TRAM2: variants seen among roughly 807,000 people sequenced by gnomAD.
The protein encoded by TRAM2 is translocation associated membrane protein 2, also known as translocating chain-associated membrane protein 2.
TRAM2 carries 12 observed loss-of-function variants against 51.0 expected under a neutral mutation model. The observed-to-expected ratio is 0.24, with a 90% confidence interval of 0.15 to 0.38. TRAM2 has a LOEUF of 0.38. Ranked by LOEUF, TRAM2 falls within the 10% of genes least tolerant of loss-of-function variation. The pLI is 1.00. For missense variants in TRAM2, 361 were observed against 462.0 expected, an observed-to-expected ratio of 0.78 and a Z score of 2.00; for synonymous variants, 175 against 179.4, an observed-to-expected ratio of 0.98 and a Z score of 0.20.
At chr6:52,528,611 G>A (rs12211221) in intron 2 of TRAM2, among the ~76,000 whole-genome samples, 31,984 of 152,086 alleles carry the variant, frequency 0.21, 3,537 homozygotes, top group Non-Finnish European at 0.26. Flanking sequence ...AAGAGGCTGC[G>A]AGAACAATGG....
intron 1 of TRAM2, among the ~76,000 whole-genome samples, chr6:52,554,519 CA>C (rs55641649): frequency 0.11 from 11,716 of 108,852 alleles, 578 homozygotes; most frequent in East Asian, 0.26. Context: ...GACCCCATCT[CA>C]AAAAAAAAAA....
At chr6:52,537,534 C>T (rs919107902) in intron 1 of TRAM2, among the ~76,000 whole-genome samples, 1 of 152,172 alleles carries the variant, frequency 6.6e-6, no homozygotes, top group African/African-American at 2.4e-5. Context: ...TCATGACCCA[C>T]CTCAATTGTA....
chr6:52,509,469 G>C, intron 5 of TRAM2, 59 bp downstream of exon 5: 1 of 1,557,060 alleles, frequency 6.4e-7, no homozygotes. Context: ...ACTCCGCTGG[G>C]ACAGGAAGGC....
At chr6:52,533,465 C>G (rs1344467063) in intron 2 of TRAM2, among the ~76,000 whole-genome samples, 1 of 152,198 alleles carries the variant, frequency 6.6e-6, no homozygotes, top group African/African-American at 2.4e-5. Context: ...TTCCTGACCA[C>G]TGGTGCTGGC....
chr6:52,537,010 T>A (rs569127995), intron 1 of TRAM2, among the ~76,000 whole-genome samples: 5 of 152,312 alleles, frequency 3.3e-5, no homozygotes, highest in African/African-American at 9.6e-5. Flanking sequence ...TGCCCTGTGT[T>A]GCCCAGACAT....
At chr6:52,565,271 A>G (rs1256498359) in intron 1 of TRAM2, among the ~76,000 whole-genome samples, 1 of 152,200 alleles carries the variant, frequency 6.6e-6, no homozygotes, top group Non-Finnish European at 1.5e-5. Context: ...AACCATGGCC[A>G]TTTAGGTGAG....
chr6:52,542,255 T>C (rs1281143230), intron 1 of TRAM2, among the ~76,000 whole-genome samples: 1 of 125,640 alleles, frequency 8.0e-6, no homozygotes, highest in East Asian at 4.5e-4. Context: ...GGGGAAGAGA[T>C]TTTTGGGTTT....
At position 52,508,154 on chromosome 6, in the gene TRAM2, G is replaced by A. The variant is rs994885345; in HGVS notation, c.555+80C>T. 5.3e-6 allele frequency: 7 copies of A among 1,329,680 alleles called. No homozygotes were observed. In the African/African-American group the frequency reaches 8.7e-5, roughly 16 times the overall value. The allele number at this position is 1,329,680 out of a possible 1,614,324, so 82.4% of individuals were successfully genotyped here. The stretch of plus-strand genomic sequence containing the variant: ...AACACTCCATGCTTCTGGAGAAAAG[G>A]AAGGGAGGTACCCCTGGGAATAGCA... On this transcript the variant is annotated intron_variant, in intron 6 of 10. Coordinates refer to ENST00000182527, the MANE Select transcript of TRAM2 (RefSeq NM_012288.4).
In TRAM2 at chr6:52,535,570, A is replaced by T. The variant is rs551306055; in HGVS notation, c.184+213T>A. Among the ~76,000 whole-genome samples the T allele has an allele frequency of 2.6e-5, 4 of 152,278 alleles. No individual in the cohort carries two copies. In the East Asian group the frequency reaches 7.7e-4, roughly 29 times the overall value. Reference sequence around the variant, plus strand: ...GTGGCACACGCCTGTAATCCCAGCTACTTGTGAGGCTGAGGCAGGAGAACT... The same window carrying T: ...GTGGCACACGCCTGTAATCCCAGCTTCTTGTGAGGCTGAGGCAGGAGAACT... On this transcript the variant is annotated intron_variant, in intron 2 of 10. Transcript: ENST00000182527.
intron 1 of TRAM2, among the ~76,000 whole-genome samples, chr6:52,559,390 A>G (rs535878255): frequency 1.3e-5 from 2 of 152,306 alleles, no homozygotes; most frequent in South Asian, 2.1e-4. Context: ...AATAGAGTAA[A>G]GGACTCAGGC....
At chr6:52,505,200 C>G (rs1450791786) in intron 9 of TRAM2, among the ~76,000 whole-genome samples, 1 of 152,206 alleles carries the variant, frequency 6.6e-6, no homozygotes, top group Admixed American at 6.5e-5. Flanking sequence ...CTCTCCTGGG[C>G]CTAGGGGCTC....
At chr6:52,535,678 T>C (rs1766966744) in intron 2 of TRAM2, 105 bp downstream of exon 2, 1 of 999,888 alleles carries the variant, frequency 1.0e-6, no homozygotes, top group Admixed American at 2.3e-5. Context: ...AGAGACTCCG[T>C]CATGGGGGAA....
chr6:52,536,196 G>A (rs1766975080), intron 1 of TRAM2, among the ~76,000 whole-genome samples: 1 of 152,200 alleles, frequency 6.6e-6, no homozygotes, highest in Non-Finnish European at 1.5e-5. Flanking sequence ...CATTGTGGAA[G>A]ACAGAAACTA....
intron 1 of TRAM2, among the ~76,000 whole-genome samples, chr6:52,559,160 G>T (rs930685485): frequency 6.6e-6 from 1 of 152,200 alleles, no homozygotes; most frequent in African/African-American, 2.4e-5. Context: ...GGGCATGGTA[G>T]AAAGAGTTCT....
rs952375545 is a variant in TRAM2 at position 52,498,696 on chromosome 6, A to G, written c.*4501T>C. ...ACAAGGGAGAAACCAAAAACAAAAC[A>G]GAACACACCACAGACCCTAATCCTG... On this transcript the variant is annotated 3_prime_UTR_variant, in exon 11 of 11. Coordinates refer to ENST00000182527, the MANE Select transcript of TRAM2 (RefSeq NM_012288.4). 2 of 152,642 alleles carry G rather than the reference A, an allele frequency of 1.3e-5. No homozygotes were observed. The highest frequency in any genetic ancestry group is 2.9e-5 in the Non-Finnish European group (2 of 68,234). The allele number at this position is 152,642 out of a possible 1,614,324, so 9.5% of individuals were successfully genotyped here. A position where few individuals can be genotyped will look rare whatever the true frequency, so the allele number is the denominator to read the frequency against.
intron 2 of TRAM2, among the ~76,000 whole-genome samples, chr6:52,530,987 G>C (rs1195443185): frequency 1.3e-5 from 2 of 152,166 alleles, no homozygotes; most frequent in African/African-American, 4.8e-5. Context: ...GACACAGGGA[G>C]TTGGAAATGA....
chr6:52,576,736 G>C, intron 1 of TRAM2, 60 bp downstream of exon 1: 1 of 1,582,810 alleles, frequency 6.3e-7, no homozygotes, highest in Non-Finnish European at 8.6e-7. Flanking sequence ...GCAGGGGTGT[G>C]CCGGGCGGTG....
chr6:52,571,837 A>G (rs1767685767), intron 1 of TRAM2, among the ~76,000 whole-genome samples: 1 of 152,226 alleles, frequency 6.6e-6, no homozygotes, highest in Non-Finnish European at 1.5e-5. Flanking sequence ...TCCCAGACCC[A>G]CCAATGAAGT....
intron 1 of TRAM2, among the ~76,000 whole-genome samples, chr6:52,559,211 T>A (rs1056718931): frequency 2.0e-5 from 3 of 152,138 alleles, no homozygotes; most frequent in African/African-American, 7.2e-5. Context: ...CCCACTGTCA[T>A]CCCCAGGGGT....
Sources: gnomAD v4.1 joint callset for allele counts (sites outside exome capture counted in the v4.1 genomes callset) on GRCh38, gnomAD v4.1.1 for gene constraint, MANE v1.5 for transcripts, NCBI Gene and HGNC (gene_info 2026-07-23, HGNC 2026-07-21) for gene names.